Variants in SAXO1 observed in about 807,000 individuals in gnomAD.
SAXO1 encodes the protein stabilizer of axonemal microtubules 1.
A neutral mutation model predicts 17.5 loss-of-function variants in SAXO1; 21 were observed. That is an observed-to-expected ratio of 1.20 (90% confidence interval 0.85 to 1.72). The LOEUF (loss-of-function observed/expected upper bound fraction) is 1.72. Among genes scored for constraint, SAXO1 ranks in the 40% most tolerant of loss-of-function variants. SAXO1 has a pLI of 0.00. For synonymous variants in SAXO1, 274 were observed against 216.5 expected, an observed-to-expected ratio of 1.27 and a Z score of -2.33; for missense variants, 843 against 596.0, an observed-to-expected ratio of 1.41 and a Z score of -4.32.
intron 2 of SAXO1, among the ~76,000 whole-genome samples, chr9:18,950,311 G>GA (rs1338249686): frequency 7.9e-5 from 12 of 151,698 alleles, no homozygotes; most frequent in East Asian, 1.9e-4. Flanking sequence ...TTTAAGGGGA[G>GA]AAAAAAAAGC....
intron 3 of SAXO1, among the ~76,000 whole-genome samples, chr9:18,933,741 T>C (rs1366240472): frequency 6.6e-6 from 1 of 152,246 alleles, no homozygotes; most frequent in Non-Finnish European, 1.5e-5. Context: ...GAAGAGAACT[T>C]AGCCATTAAT....
chr9:18,996,246 TA>T (rs1480387111), intron 1 of SAXO1, among the ~76,000 whole-genome samples: 1 of 152,228 alleles, frequency 6.6e-6, no homozygotes, highest in South Asian at 2.1e-4. Flanking sequence ...TGCAGTATTT[TA>T]AAGTAAGTCC....
At chr9:18,941,931 G>A in intron 2 of SAXO1, 92 bp from the exon 3 acceptor site, 1 of 1,248,976 alleles carries the variant, frequency 8.0e-7, no homozygotes. Flanking sequence ...CATTTGCTGA[G>A]AAGTCCTGTT....
intron 2 of SAXO1, among the ~76,000 whole-genome samples, chr9:18,950,118 C>G (rs924148572): frequency 3.9e-5 from 6 of 152,156 alleles, no homozygotes; most frequent in Admixed American, 3.9e-4. Context: ...TTCTGCACCC[C>G]CTCAGTAGAA....
chr9:18,967,805 T>C (rs576200423), intron 1 of SAXO1, among the ~76,000 whole-genome samples: 2 of 149,766 alleles, frequency 1.3e-5, no homozygotes, highest in Non-Finnish European at 2.9e-5. Flanking sequence ...AAAAAAAAAC[T>C]CCTGCAGCTA....
intron 1 of SAXO1, among the ~76,000 whole-genome samples, chr9:18,983,251 A>G (rs1833469562): frequency 6.6e-6 from 1 of 152,136 alleles, no homozygotes; most frequent in Admixed American, 6.5e-5. Flanking sequence ...GCAGAAGGTG[A>G]AGGGGAAGCA....
At chr9:19,014,398 T>A (rs1045806554) in intron 1 of SAXO1, among the ~76,000 whole-genome samples, 34 of 149,348 alleles carry the variant, frequency 2.3e-4, no homozygotes, top group Middle Eastern at 7.0e-3. Flanking sequence ...GGGGGCAAGG[T>A]TGCAGTTAGC....
In SAXO1 at chr9:18,967,255, C is replaced by T. The variant is rs573963626; in HGVS notation, c.39-16318G>A. Among the ~76,000 whole-genome samples, 4 of 152,346 alleles carry T rather than the reference C, an allele frequency of 2.6e-5. No individual in the cohort carries two copies. In the South Asian group the frequency reaches 8.3e-4, roughly 32 times the overall value. On this transcript the variant is annotated intron_variant, in intron 1 of 3. Transcript: ENST00000380534. ...CCCACTTGAGGAGGCAGTCTGTCCCCTAGCAGAGCTCGACAGCTGTCCTGG... is the reference window on the plus strand; with the variant it reads ...CCCACTTGAGGAGGCAGTCTGTCCCTTAGCAGAGCTCGACAGCTGTCCTGG...
chr9:19,001,604 T>C (rs1017802538), intron 1 of SAXO1, among the ~76,000 whole-genome samples: 5 of 151,438 alleles, frequency 3.3e-5, no homozygotes, highest in Non-Finnish European at 2.9e-5. Context: ...GAGGCGGAGC[T>C]TGCACTGAGC....
intron 1 of SAXO1, among the ~76,000 whole-genome samples, chr9:18,951,268 C>T (rs1380044807): frequency 6.6e-6 from 1 of 152,116 alleles, no homozygotes; most frequent in African/African-American, 2.4e-5. Context: ...CGAGTGCCAC[C>T]CAGCTGCCCC....
At chr9:19,026,915 C>A in intron 1 of SAXO1, 1 of 774,324 alleles carries the variant, frequency 1.3e-6, no homozygotes, top group Non-Finnish European at 2.3e-6. Context: ...GGGATGAGGC[C>A]AAGCAAGATG....
chr9:18,968,354 T>C (rs1439844983), intron 1 of SAXO1, among the ~76,000 whole-genome samples: 1 of 152,164 alleles, frequency 6.6e-6, no homozygotes, highest in Non-Finnish European at 1.5e-5. Flanking sequence ...CAGAAATACA[T>C]TTTTAAGAGA....
At chr9:18,947,925 C>T (rs548013969) in intron 2 of SAXO1, among the ~76,000 whole-genome samples, 1 of 152,284 alleles carries the variant, frequency 6.6e-6, no homozygotes, top group African/African-American at 2.4e-5. Context: ...TGGGCTTAAT[C>T]ACCAAACCCA....
chr9:19,033,065 T>C lies in SAXO1; in HGVS notation c.-157A>G. ...AAATTTAAGTGGCCCTTTTGCAATG[T>C]CCTGTCGTCTGTTGCCCTCCTGGAG... On this transcript the variant is annotated 5_prime_UTR_variant, in exon 1 of 4. Transcript: ENST00000380534. 1 of 677,504 alleles carries C rather than the reference T, an allele frequency of 1.5e-6. No individual in the cohort carries two copies. The highest frequency in any genetic ancestry group is 1.8e-5 in the African/African-American group (1 of 54,258). The allele number at this position is 677,504 out of a possible 1,614,324, so 42.0% of individuals were successfully genotyped here.
At chr9:19,006,805 G>A (rs1834498614) in intron 1 of SAXO1, among the ~76,000 whole-genome samples, 1 of 152,162 alleles carries the variant, frequency 6.6e-6, no homozygotes, top group Non-Finnish European at 1.5e-5. Flanking sequence ...TAGCCCTCTG[G>A]GAGGCTGAGG....
chr9:18,941,023 G>A lies in SAXO1; in HGVS notation c.421+614C>T, dbSNP rs557150226. On this transcript the variant is annotated intron_variant, in intron 3 of 3. Coordinates refer to ENST00000380534, the MANE Select transcript of SAXO1 (RefSeq NM_153707.4). ...CTCTTGATCTGGGTACTGTTTATAT[G>A]GATTTGTTCAGTGCAAATTTATTGA... Among the ~76,000 whole-genome samples the A allele has an allele frequency of 7.9e-5, 12 of 152,220 alleles. No homozygotes were observed. The South Asian group carries it at 2.3e-3, about 29-fold the overall frequency.
intron 2 of SAXO1, among the ~76,000 whole-genome samples, chr9:18,949,086 AG>A (rs1831918141): frequency 6.6e-6 from 1 of 152,202 alleles, no homozygotes; most frequent in African/African-American, 2.4e-5. Flanking sequence ...TCAGAGACAA[AG>A]AATACTGTTT....
At chr9:19,000,088 C>A (rs1834191444) in intron 1 of SAXO1, among the ~76,000 whole-genome samples, 1 of 148,630 alleles carries the variant, frequency 6.7e-6, no homozygotes, top group East Asian at 2.0e-4. Flanking sequence ...CTCTACCCAG[C>A]CGCCCCACCA....
chr9:18,954,252 T>C (rs7865461), intron 1 of SAXO1, among the ~76,000 whole-genome samples: 89,155 of 152,014 alleles, frequency 0.59, 28,148 homozygotes, highest in Non-Finnish European at 0.71. Context: ...ATGATGGATC[T>C]CAGAAATAAT....
Sources: allele counts gnomAD v4.1 joint callset (sites outside exome capture counted in the v4.1 genomes callset), GRCh38; gene constraint gnomAD v4.1.1; transcripts MANE v1.5; gene names NCBI Gene and HGNC (gene_info 2026-07-23, HGNC 2026-07-21).